WDFY4: variants seen among roughly 807,000 people sequenced by gnomAD.
WDFY4 encodes WD repeat- and FYVE domain-containing protein 4.
Under a neutral mutation model 351.9 loss-of-function variants are expected in WDFY4, and 169 were observed. The observed-to-expected ratio is 0.48, with a 90% CI of 0.42 to 0.55. WDFY4 has a LOEUF of 0.55. Among genes scored for constraint, WDFY4 ranks in the 20% least tolerant of loss-of-function variants. The pLI, the probability that WDFY4 is intolerant of heterozygous loss-of-function variation, is 0.00. For missense variants in WDFY4, 3,803 were observed against 3,935.6 expected (o/e 0.97, Z 0.90); for synonymous variants, 1,622 against 1,574.6 (o/e 1.03, Z -0.71).
chr10:48,716,934 G>A (rs2063928940), intron 2 of WDFY4, among the ~76,000 whole-genome samples: 1 of 152,196 alleles, frequency 6.6e-6, no homozygotes, highest in Non-Finnish European at 1.5e-5. Context: ...GGATTAACAT[G>A]TCTGAGTGGC....
At chr10:48,948,209 A>G (rs1272405435) in intron 51 of WDFY4, among the ~76,000 whole-genome samples, 1 of 152,160 alleles carries the variant, frequency 6.6e-6, no homozygotes, top group Non-Finnish European at 1.5e-5. Context: ...ACGTCTAGAC[A>G]TTGTATAACC....
rs902182773 is a variant in WDFY4 at position 48,964,023 on chromosome 10, T to A, written c.8405T>A (p.Phe2802Tyr). ...DPLIKSTILG[F>Y]VSNFGQVPKQ... ...CTCATCAAAAGCACCATCCTGGGGT[T>A]TGTCAGCAACTTTGGACAGGTGCCC... The change falls in exon 54 of 62, where the codon TTT becomes TAT. Residue 2802 changes from phenylalanine to tyrosine, a missense_variant. Physicochemically the swap from Phe to Tyr is conservative, Grantham distance 22 (BLOSUM62 3). Transcript: ENST00000325239. 5 of 1,549,984 alleles carry A rather than the reference T, an allele frequency of 3.2e-6. No homozygotes were observed. Among genetic ancestry groups the A allele is most frequent in the Non-Finnish European group, 4.4e-6 (5 of 1,146,966 alleles).
intron 39 of WDFY4, among the ~76,000 whole-genome samples, chr10:48,844,966 G>A (rs1359580848): frequency 6.6e-6 from 1 of 152,212 alleles, no homozygotes; most frequent in Non-Finnish European, 1.5e-5. Context: ...GAAGGTCCAA[G>A]AAAGCTTCTC....
intron 44 of WDFY4, among the ~76,000 whole-genome samples, chr10:48,893,358 G>T (rs1276046588): frequency 2.6e-5 from 4 of 152,184 alleles, no homozygotes; most frequent in Non-Finnish European, 2.9e-5. Flanking sequence ...GGTACTGAGG[G>T]TTAGGATTTC....
intron 40 of WDFY4, among the ~76,000 whole-genome samples, chr10:48,870,062 G>T (rs547132459): frequency 6.6e-6 from 1 of 152,276 alleles, no homozygotes; most frequent in East Asian, 1.9e-4. Context: ...AGCCCTAGGG[G>T]GTGGTGCCTG....
chr10:48,846,337 C>A (rs2133148326), intron 39 of WDFY4, among the ~76,000 whole-genome samples: 1 of 152,358 alleles, frequency 6.6e-6, no homozygotes, highest in Admixed American at 6.5e-5. Flanking sequence ...GGGATACTGT[C>A]CCTTCTGAAA....
intron 47 of WDFY4, chr10:48,914,273 A>G: frequency 9.0e-7 from 1 of 1,113,836 alleles, no homozygotes; most frequent in Non-Finnish European, 1.3e-6. Flanking sequence ...GAGATGCCAG[A>G]GGGCACTGGG....
intron 39 of WDFY4, among the ~76,000 whole-genome samples, chr10:48,835,009 T>C (rs1363500986): frequency 6.6e-6 from 1 of 152,210 alleles, no homozygotes; most frequent in East Asian, 1.9e-4. Context: ...CGGCTCTGTC[T>C]TGGGTGAGGG....
rs553391712 is a variant in WDFY4 at position 48,969,347 on chromosome 10, C to T, written c.8769+99C>T. On this transcript the variant is annotated intron_variant, in intron 56 of 61. Transcript: ENST00000325239. ...GAGATAAGTGAGTCCAAAGCAACCT[C>T]GCTCACTTTCCCTACAAGGTGTGCT... is the stretch of plus-strand genomic sequence containing the variant. 69 of 1,382,102 alleles carry T rather than the reference C, an allele frequency of 5.0e-5. No homozygotes were observed. In the East Asian group the frequency reaches 5.8e-4, roughly 12 times the overall value. 85.6% of individuals were successfully genotyped at this position (1,382,102 alleles called of 1,614,324 possible).
At chr10:48,817,878 T>A (rs140358357) in intron 32 of WDFY4, among the ~76,000 whole-genome samples, 2 of 152,336 alleles carry the variant, frequency 1.3e-5, no homozygotes, top group African/African-American at 4.8e-5. Context: ...GAGGCCCAGC[T>A]TAGAGCCAGA....
intron 41 of WDFY4, among the ~76,000 whole-genome samples, chr10:48,874,626 T>C (rs181615118): frequency 6.6e-6 from 1 of 152,172 alleles, no homozygotes; most frequent in Non-Finnish European, 1.5e-5. Context: ...TTTCCCTCAC[T>C]ACATTTTTTA....
chr10:48,945,962 C>A, intron 49 of WDFY4, 78 bp from the exon 50 acceptor site: 2 of 970,390 alleles, frequency 2.1e-6, no homozygotes, highest in Non-Finnish European at 3.0e-6. Context: ...ATAAAGAGAA[C>A]CATAAAACTC....
intron 47 of WDFY4, among the ~76,000 whole-genome samples, chr10:48,928,465 G>A (rs1008861495): frequency 2.6e-5 from 4 of 151,536 alleles, no homozygotes; most frequent in Admixed American, 2.0e-4. Flanking sequence ...GGGGAACCTG[G>A]ACTCCAGGTG....
intron 47 of WDFY4, among the ~76,000 whole-genome samples, chr10:48,922,656 G>A (rs575644448): frequency 2.0e-5 from 3 of 152,136 alleles, no homozygotes; most frequent in Non-Finnish European, 4.4e-5. Context: ...ATTCAATGGG[G>A]GTCTTAGAAC....
At chr10:48,720,165 C>G in intron 3 of WDFY4, 40 bp downstream of exon 3, 4 of 1,538,006 alleles carry the variant, frequency 2.6e-6, no homozygotes, top group African/African-American at 1.4e-5. Context: ...CTACAGAGAG[C>G]AGTGCAGCCC....
chr10:48,772,368 T>TGTGGACACATGTGC (rs2065891219), intron 13 of WDFY4, among the ~76,000 whole-genome samples: 1 of 152,038 alleles, frequency 6.6e-6, no homozygotes, highest in South Asian at 2.1e-4. Context: ...TGGATGTGTG[T>TGTGGACACATGTGC]GTGGACACAT....
At chr10:48,847,941 G>T (rs568763076) in intron 39 of WDFY4, among the ~76,000 whole-genome samples, 1 of 152,116 alleles carries the variant, frequency 6.6e-6, no homozygotes, top group African/African-American at 2.4e-5. Flanking sequence ...CTCTTCACCC[G>T]CTCGGAGCGC....
rs1565232291 is a variant in WDFY4, at chr10:48,817,414, G to A, written c.5505+5G>A. On this transcript the variant is annotated splice_donor_5th_base_variant and intron_variant, in intron 32 of 61. Transcript: ENST00000325239. ...TTCCCCCTGGGAGCCCAAAAGGTAG[G>A]ACATGCTGCTGTCCCACCCAGAGAG... 9 of 1,548,058 alleles carry A rather than the reference G, an allele frequency of 5.8e-6. No homozygotes were observed. In the Admixed American group the frequency reaches 7.9e-5, roughly 14 times the overall value.
chr10:48,795,711 G>A (rs1278985166), intron 23 of WDFY4, among the ~76,000 whole-genome samples: 1 of 151,854 alleles, frequency 6.6e-6, no homozygotes. Flanking sequence ...AGATTAGGTC[G>A]CTCAAGGCTC....
Sources: allele counts gnomAD v4.1 joint callset (sites outside exome capture counted in the v4.1 genomes callset), GRCh38; gene constraint gnomAD v4.1.1; transcripts MANE v1.5; gene names NCBI Gene and HGNC (gene_info 2026-07-23, HGNC 2026-07-21).